The following MYT1L variants were observed in gnomAD, a reference collection of about 807,000 sequenced individuals.
The protein encoded by MYT1L is myelin transcription factor 1 like.
Under a neutral mutation model 126.7 loss-of-function variants are expected in MYT1L, and 12 were observed. The ratio of observed to expected loss-of-function variants is 0.09; its 90% CI spans 0.06 to 0.15. The LOEUF is 0.15. MYT1L is among the 10% of genes least tolerant of loss of function. The pLI, the probability that MYT1L is intolerant of heterozygous loss-of-function variation, is 1.00. For missense variants in MYT1L, 979 were observed against 1,585.2 expected, an observed-to-expected ratio of 0.62 and a Z score of 6.49; for synonymous variants, 541 against 604.2, an observed-to-expected ratio of 0.90 and a Z score of 1.53.
At chr2:1,815,588 C>G (rs914584205) in intron 21 of MYT1L, among the ~76,000 whole-genome samples, 2 of 152,186 alleles carry the variant, frequency 1.3e-5, no homozygotes, top group African/African-American at 4.8e-5. Context: ...CAAGAGGGGC[C>G]GAGAGGCCGA....
At chr2:2,315,527 G>GTGA (rs1168145914) in intron 1 of MYT1L, among the ~76,000 whole-genome samples, 2 of 152,094 alleles carry the variant, frequency 1.3e-5, no homozygotes, top group East Asian at 3.9e-4. Flanking sequence ...TGGGCTTTAT[G>GTGA]TGATATAACC....
chr2:2,286,866 A>C (rs1408643519), intron 1 of MYT1L, among the ~76,000 whole-genome samples: 8 of 152,204 alleles, frequency 5.3e-5, no homozygotes, highest in Non-Finnish European at 1.5e-5. Flanking sequence ...TCACGAAGGC[A>C]GGGAGTGGAA....
rs145179624 is a variant in MYT1L at position 2,198,508 on chromosome 2, G to T, written c.-420-25520C>A. 3.9e-5 allele frequency among the ~76,000 whole-genome samples: 6 copies of T among 152,124 alleles called. No homozygotes were observed. The South Asian group carries it at 1.2e-3, about 32-fold the overall frequency. ...TTCCATCATGATACTATGTATATAC[G>T]CATTGACACATCACACTGTATTCCA... On this transcript the variant is annotated intron_variant, in intron 2 of 24. Coordinates refer to ENST00000647738, the MANE Select transcript of MYT1L (RefSeq NM_001303052.2).
At chr2:1,892,543 C>A (rs1311352652) in intron 14 of MYT1L, among the ~76,000 whole-genome samples, 1 of 131,668 alleles carries the variant, frequency 7.6e-6, no homozygotes, top group Admixed American at 8.6e-5. Context: ...GATAATTCAT[C>A]GACCTGTTGG....
At chr2:1,803,840 A>G (rs1194739619) in intron 22 of MYT1L, among the ~76,000 whole-genome samples, 1 of 152,160 alleles carries the variant, frequency 6.6e-6, no homozygotes, top group East Asian at 1.9e-4. Flanking sequence ...CCGGCCCATG[A>G]GATTCTGTAG....
At chr2:2,168,235 G>A (rs917710470) in intron 3 of MYT1L, among the ~76,000 whole-genome samples, 1 of 152,176 alleles carries the variant, frequency 6.6e-6, no homozygotes, top group African/African-American at 2.4e-5. Flanking sequence ...TCAGAGGGAT[G>A]TGCAGTAAAA....
chr2:2,180,184 CAAT>C (rs922429412), intron 2 of MYT1L, among the ~76,000 whole-genome samples: 2 of 152,082 alleles, frequency 1.3e-5, no homozygotes, highest in Non-Finnish European at 2.9e-5. Flanking sequence ...AATTGAATAA[CAAT>C]AATGATAATA....
chr2:1,987,896 C>T (rs1057004921), intron 5 of MYT1L, among the ~76,000 whole-genome samples: 4 of 152,118 alleles, frequency 2.6e-5, no homozygotes, highest in African/African-American at 9.7e-5. Context: ...CTGTATGTGG[C>T]AAAGGTTCAG....
At chr2:1,964,869 G>A (rs1293846762) in intron 8 of MYT1L, among the ~76,000 whole-genome samples, 1 of 152,164 alleles carries the variant, frequency 6.6e-6, no homozygotes, top group African/African-American at 2.4e-5. Context: ...CAAGGCCCCT[G>A]CTGACAAGGA....
chr2:1,921,809 C>A (rs1296370311), intron 10 of MYT1L, among the ~76,000 whole-genome samples: 1 of 152,158 alleles, frequency 6.6e-6, no homozygotes, highest in Non-Finnish European at 1.5e-5. Flanking sequence ...TCTACGAGGG[C>A]AGTTTCATCA....
chr2:2,008,667 C>CAGA (rs931322802), intron 4 of MYT1L, among the ~76,000 whole-genome samples: 22 of 152,018 alleles, frequency 1.4e-4, no homozygotes, highest in African/African-American at 5.1e-4. Flanking sequence ...TTTGGCTGTG[C>CAGA]AGAAGCTTTA....
chr2:2,214,409 C>T (rs1049990542), intron 2 of MYT1L, among the ~76,000 whole-genome samples: 9 of 151,732 alleles, frequency 5.9e-5, no homozygotes, highest in Admixed American at 2.0e-4. Flanking sequence ...TAGAAAATTA[C>T]ATACAGCTCA....
chr2:2,307,626 C>T (rs1392903027), intron 1 of MYT1L, among the ~76,000 whole-genome samples: 3 of 151,940 alleles, frequency 2.0e-5, no homozygotes, highest in African/African-American at 2.4e-5. Context: ...GTATGACACT[C>T]GTGATCTCCA....
At chr2:2,101,786 GT>G in intron 3 of MYT1L, among the ~76,000 whole-genome samples, 1 of 152,282 alleles carries the variant, frequency 6.6e-6, no homozygotes. Flanking sequence ...TGATAGAGGT[GT>G]TGTAAAGATT....
At chr2:2,005,499 C>T (rs139244647) in intron 4 of MYT1L, among the ~76,000 whole-genome samples, 44 of 4,316 alleles carry the variant, frequency 0.01, 1 homozygote, top group Admixed American at 0.024. Context: ...TTCCTGCAGG[C>T]ATTCTTTCCT....
chr2:2,147,945 C>T (rs2085135564), intron 3 of MYT1L, among the ~76,000 whole-genome samples: 1 of 152,208 alleles, frequency 6.6e-6, no homozygotes, highest in African/African-American at 2.4e-5. Flanking sequence ...GAAAGAGCCA[C>T]AGACACCTCA....
At chr2:2,316,895 C>G (rs2096073863) in intron 1 of MYT1L, among the ~76,000 whole-genome samples, 1 of 151,960 alleles carries the variant, frequency 6.6e-6, no homozygotes, top group African/African-American at 2.4e-5. Flanking sequence ...ACTACAATCT[C>G]CGCCTCCAGG....
chr2:2,032,102 G>A (rs1435400593), intron 4 of MYT1L, among the ~76,000 whole-genome samples: 54 of 79,606 alleles, frequency 6.8e-4, no homozygotes, highest in Middle Eastern at 0.011. Flanking sequence ...CACACCCCTC[G>A]CCAGTGCCTC....
chr2:2,252,118 G>A (rs946773807), intron 2 of MYT1L, among the ~76,000 whole-genome samples: 2 of 152,140 alleles, frequency 1.3e-5, no homozygotes, highest in African/African-American at 4.8e-5. Flanking sequence ...AAGTGTTCCA[G>A]TGGTGGAGAG....
Sources: gnomAD v4.1 joint callset for allele counts (sites outside exome capture counted in the v4.1 genomes callset) on GRCh38, gnomAD v4.1.1 for gene constraint, MANE v1.5 for transcripts, NCBI Gene and HGNC (gene_info 2026-07-23, HGNC 2026-07-21) for gene names.